DNAH10: variants seen among roughly 807,000 people sequenced by gnomAD.
DNAH10 encodes dynein axonemal heavy chain 10.
A neutral mutation model predicts 506.6 loss-of-function variants in DNAH10; 348 were observed. That is an observed-to-expected ratio of 0.69 (90% confidence interval 0.63 to 0.75). The LOEUF (loss-of-function observed/expected upper bound fraction) is 0.75. DNAH10 is among the 30% of genes least tolerant of loss of function. The pLI is 0.00. For synonymous variants in DNAH10, 2,059 were observed against 2,198.6 expected, an observed-to-expected ratio of 0.94 and a Z score of 1.78; for missense variants, 5,179 against 5,787.1, an observed-to-expected ratio of 0.89 and a Z score of 3.41.
chr12:123,868,191 C>G, intron 43 of DNAH10, 72 bp downstream of exon 43: 2 of 1,310,918 alleles, frequency 1.5e-6, no homozygotes, highest in East Asian at 4.8e-5. Flanking sequence ...AGTGAATGAG[C>G]TTTTCCATAT....
chr12:123,934,962 G>A (rs1391858072), intron 78 of DNAH10, 196 bp downstream of exon 78: 2 of 704,384 alleles, frequency 2.8e-6, no homozygotes, highest in Non-Finnish European at 4.6e-6. Context: ...ATGTGTGTGT[G>A]GATGCCGGTC....
Position 123,909,438 on chromosome 12 carries a change from CA to C in DNAH10, c.9996del (p.Gly3333AlafsTer3). 1 of 1,587,610 alleles carries C rather than the reference CA, an allele frequency of 6.3e-7. No individual in the cohort carries two copies. Among genetic ancestry groups the C allele is most frequent in the African/African-American group, 1.3e-5 (1 of 74,670 alleles). The part of the protein sequence containing the change: ...SITQSQVKNI[K>X]GLLKTLNTTT... ...TTACCCAGAGCCAAGTGAAAAACAT[CA>C]AAGGTGAGTGTAGCCACGTGTGGGA... On this transcript the variant is annotated frameshift_variant, in exon 58 of 79. Coordinates refer to ENST00000673944, the MANE Select transcript of DNAH10 (RefSeq NM_001372106.1). LOFTEE classifies it high-confidence loss of function. This position sits in a 1 kb window ranked among gnomAD's most constrained non-coding sequence, Gnocchi z 5.4.
In DNAH10 at chr12:123,893,258, A is replaced by G. The variant is rs1330596488; in HGVS notation, c.9021A>G (p.Glu3007=). 3 of 1,613,872 alleles carry G rather than the reference A, an allele frequency of 1.9e-6. No homozygotes were observed. The African/African-American group carries it at 4.0e-5, about 22-fold the overall frequency. Residue 3007 remains glutamate, a synonymous_variant, in exon 53 of 79, where the codon GAA becomes GAG. Transcript: ENST00000673944. ...GAATTGTACCTGCGCTTTTTTCTGA[A>G]GAGGAGAAAGAGTCTATCCTGAGTC... The part of the protein sequence containing the change: ...TSGIVPALFS[E]EEKESILSQI...
intron 58 of DNAH10, 54 bp from the exon 59 acceptor site, chr12:123,910,482 T>C: frequency 1.3e-6 from 2 of 1,589,952 alleles, no homozygotes; most frequent in South Asian, 2.3e-5. Context: ...GTCTATTTTA[T>C]GCTCCCAAGA....
In DNAH10 at chr12:123,894,646, T is replaced by C. The variant is rs2137197349; in HGVS notation, c.9203T>C (p.Met3068Thr). The C allele has an allele frequency of 6.2e-7, 1 of 1,613,914 alleles. No individual in the cohort carries two copies. The highest frequency in any genetic ancestry group is 8.5e-7 in the Non-Finnish European group (1 of 1,179,802). ...LRTWCRNFPG[M>T]VNNTGIDWFM... is the part of the protein sequence containing the mutation. Reference sequence around the variant, plus strand: ...TTAATCTCTCTTTCCTTTCAAGGTATGGTAAATAACACTGGTATTGACTGG... The same window carrying C: ...TTAATCTCTCTTTCCTTTCAAGGTACGGTAAATAACACTGGTATTGACTGG... Residue 3068 changes from methionine to threonine, a missense_variant, in exon 54 of 79, where the codon ATG (methionine) becomes ACG (threonine). Met to Thr is a moderately conservative substitution (Grantham distance 81). Around this residue, in one of 3 missense-constraint regions of DNAH10, gnomAD observed 4,844 missense variants for 5,430.5 expected, o/e 0.89. Coordinates refer to ENST00000673944, the MANE Select transcript of DNAH10 (RefSeq NM_001372106.1).
chr12:123,800,155 G>A (rs1958429658), intron 14 of DNAH10, 61 bp from the exon 15 acceptor site: 4 of 1,547,108 alleles, frequency 2.6e-6, no homozygotes, highest in Non-Finnish European at 3.5e-6. Context: ...GGTGTGGGTT[G>A]TGTTGATCCA....
At position 123,907,445 on chromosome 12, in the gene DNAH10, A is replaced by G. The variant is rs1035945128; in HGVS notation, c.9816-1816A>G. 3.3e-5 allele frequency among the ~76,000 whole-genome samples: 5 copies of G among 152,138 alleles called. No individual in the cohort carries two copies. The highest frequency in any genetic ancestry group is 2.6e-4 in the Admixed American group (4 of 15,270). ...TAAACAGACATCTCCCTTTCTCTTG[A>G]CTTGCACCCTCCACATTTCACACAC... On this transcript the variant is annotated intron_variant, in intron 57 of 78. Coordinates refer to ENST00000673944, the MANE Select transcript of DNAH10 (RefSeq NM_001372106.1). This position sits in a 1 kb window ranked among gnomAD's most constrained non-coding sequence, Gnocchi z 4.4.
chr12:123,890,954 G>A (rs1414915030), intron 52 of DNAH10, among the ~76,000 whole-genome samples: 1 of 152,166 alleles, frequency 6.6e-6, no homozygotes, highest in Admixed American at 6.5e-5. Flanking sequence ...GAATCTGAAT[G>A]TGATGTCATA....
chr12:123,815,137 A>G (rs1020809430), intron 21 of DNAH10, among the ~76,000 whole-genome samples: 4 of 152,170 alleles, frequency 2.6e-5, no homozygotes, highest in African/African-American at 9.7e-5. Context: ...ACAAATGGAC[A>G]TCCTGTAGTA....
chr12:123,790,367 C>G (rs1320697124), intron 11 of DNAH10, among the ~76,000 whole-genome samples: 1 of 152,214 alleles, frequency 6.6e-6, no homozygotes, highest in East Asian at 1.9e-4. Flanking sequence ...GACACAGTAG[C>G]ATTTCTACAA....
intron 39 of DNAH10, among the ~76,000 whole-genome samples, chr12:123,863,518 C>T (rs11057376): frequency 0.05 from 7,665 of 152,264 alleles, 296 homozygotes; most frequent in Non-Finnish European, 0.078. Context: ...GCACTCCCTC[C>T]GAAGGCTCTA....
Position 123,774,225 on chromosome 12 carries a change from C to T in DNAH10, c.582C>T (p.Asn194=), listed in dbSNP as rs374306028. The T allele has an allele frequency of 8.0e-5, 128 of 1,608,346 alleles. No individual in the cohort carries two copies. Among genetic ancestry groups the T allele is most frequent in the Middle Eastern group, 6.6e-4 (4 of 6,054 alleles). ...MPETLEYGII[N]ANVLHFLKNI... ...AAACACTGGAGTATGGAATTATAAACGCTAATGTGCTCCATTTTCTGAAGA... is the reference window on the plus strand; with the variant it reads ...AAACACTGGAGTATGGAATTATAAATGCTAATGTGCTCCATTTTCTGAAGA... The change falls in exon 5 of 79, where the codon AAC becomes AAT. Residue 194 remains asparagine, a synonymous_variant. Transcript: ENST00000673944.
chr12:123,818,077 T>G (rs115025821), intron 21 of DNAH10, among the ~76,000 whole-genome samples: 2,103 of 151,776 alleles, frequency 0.014, 43 homozygotes, highest in African/African-American at 0.047. Flanking sequence ...GCCTCCTGAG[T>G]AGCTGCAATT....
rs748999423 is a variant in DNAH10 at position 123,850,988 on chromosome 12, C to A, written c.6203C>A (p.Ala2068Glu). The A allele has an allele frequency of 3.7e-6, 6 of 1,613,964 alleles. No homozygotes were observed. The Admixed American group carries it at 5.0e-5, about 13-fold the overall frequency. ...ACGGAGCTGCCCGAGTCGGTGAAGG[C>A]GCTGTTCAGGCCTGTGGTCGTGATC... ...GRTELPESVK[A>E]LFRPVVVIVP... Residue 2068 changes from alanine to glutamate, a missense_variant, in exon 35 of 79, where the codon GCG (alanine) becomes GAG (glutamate). Ala to Glu is a moderately radical substitution (Grantham distance 107). Around this residue, in one of 3 missense-constraint regions of DNAH10, gnomAD observed 4,844 missense variants for 5,430.5 expected, o/e 0.89. Coordinates refer to ENST00000673944, the MANE Select transcript of DNAH10 (RefSeq NM_001372106.1). This position sits in a 1 kb window ranked among gnomAD's most constrained non-coding sequence, Gnocchi z 5.5.
chr12:123,763,066 C>A (rs1009347717), intron 1 of DNAH10, among the ~76,000 whole-genome samples: 7 of 152,168 alleles, frequency 4.6e-5, no homozygotes, highest in African/African-American at 1.7e-4. Context: ...GAAGAGCACC[C>A]CTTTCTACTT....
intron 11 of DNAH10, among the ~76,000 whole-genome samples, chr12:123,792,871 T>C (rs1377329556): frequency 6.6e-6 from 1 of 152,234 alleles, no homozygotes; most frequent in Admixed American, 6.5e-5. Flanking sequence ...TCTTCCTCTT[T>C]CCTTGTTTAC....
chr12:123,877,668 A>G, intron 47 of DNAH10, 68 bp from the exon 48 acceptor site: 2 of 1,525,338 alleles, frequency 1.3e-6, no homozygotes, highest in African/African-American at 1.4e-5. Context: ...GCTCTGCCAC[A>G]TTTTGTTTAT....
At chr12:123,795,146 CA>C (rs59542170) in intron 12 of DNAH10, among the ~76,000 whole-genome samples, 41 of 112,268 alleles carry the variant, frequency 3.7e-4, no homozygotes, top group Non-Finnish European at 5.1e-4. Context: ...AACTTCGTCT[CA>C]AAAAAAAAAA....
chr12:123,928,705 G>A lies in DNAH10; in HGVS notation c.12306+118G>A, dbSNP rs1955055876. ...TAGAAATAAACCTTAGGCTGCAGGTGAAACCTTGCGGTTGAAACCCTTCTC... is the reference window on the plus strand; with the variant it reads ...TAGAAATAAACCTTAGGCTGCAGGTAAAACCTTGCGGTTGAAACCCTTCTC... On this transcript the variant is annotated intron_variant, in intron 70 of 78. Coordinates refer to ENST00000673944, the MANE Select transcript of DNAH10 (RefSeq NM_001372106.1). The surrounding 1 kb of genome is among the most constrained non-coding windows in gnomAD (Gnocchi z 4.9). 8.3e-7 allele frequency: 1 copy of A among 1,207,684 alleles called. No individual in the cohort carries two copies. Among genetic ancestry groups the A allele is most frequent in the Admixed American group, 2.6e-5 (1 of 39,184 alleles). The allele number at this position is 1,207,684 out of a possible 1,614,324, so 74.8% of individuals were successfully genotyped here.
Sources: gnomAD v4.1 joint callset for allele counts (sites outside exome capture counted in the v4.1 genomes callset) on GRCh38, gnomAD v4.1.1 for gene constraint, gnomAD v4.1.1 regional missense constraint, Gnocchi (gnomAD v3.1) non-coding constraint, MANE v1.5 for transcripts, NCBI Gene and HGNC (gene_info 2026-07-23, HGNC 2026-07-21) for gene names.